The following PCED1B variants were observed in gnomAD, a reference collection of about 807,000 sequenced individuals.
PCED1B encodes the protein PC-esterase domain-containing protein 1B.
For synonymous variants in PCED1B, 251 were observed against 246.1 expected (o/e 1.02, Z -0.19); for missense variants, 573 against 573.9 (o/e 1.00, Z 0.02).
chr12:47,100,666 A>AT (rs2137215887), intron 1 of PCED1B, among the ~76,000 whole-genome samples: 1 of 152,366 alleles, frequency 6.6e-6, no homozygotes, highest in East Asian at 1.9e-4. Context: ...AAAAAGGAGA[A>AT]TAGAAAAGAA....
At chr12:47,122,376 A>G (rs1170542176) in intron 2 of PCED1B, among the ~76,000 whole-genome samples, 1 of 152,196 alleles carries the variant, frequency 6.6e-6, no homozygotes, top group Admixed American at 6.5e-5. Context: ...CAGAAAGCCA[A>G]CTGGATCCAT....
At chr12:47,201,285 GTTATC>G (rs1942755759) in intron 2 of PCED1B, among the ~76,000 whole-genome samples, 1 of 152,184 alleles carries the variant, frequency 6.6e-6, no homozygotes, top group South Asian at 2.1e-4. Flanking sequence ...GGCTTTGGGC[GTTATC>G]AATCAGACGA....
intron 2 of PCED1B, among the ~76,000 whole-genome samples, chr12:47,145,292 G>T (rs560971151): frequency 1.3e-5 from 2 of 152,166 alleles, no homozygotes; most frequent in Non-Finnish European, 2.9e-5. Context: ...AGAGAGATTG[G>T]TTCATGAGAT....
chr12:47,200,009 C>T (rs1942716782), intron 2 of PCED1B, among the ~76,000 whole-genome samples: 1 of 151,960 alleles, frequency 6.6e-6, no homozygotes, highest in South Asian at 2.1e-4. Context: ...GCCTGGGCAA[C>T]ATGGTGAAAC....
intron 2 of PCED1B, among the ~76,000 whole-genome samples, chr12:47,140,831 G>A (rs1180235594): frequency 6.6e-6 from 1 of 152,194 alleles, no homozygotes; most frequent in Non-Finnish European, 1.5e-5. Context: ...TGACTAATTT[G>A]TCCCCATGTG....
intron 2 of PCED1B, among the ~76,000 whole-genome samples, chr12:47,172,340 C>CTTTTTTTTTTTTTTTT (rs34230051): frequency 5.1e-5 from 4 of 78,346 alleles, no homozygotes; most frequent in Admixed American, 1.5e-4. Flanking sequence ...TCGTGGGTTG[C>CTTTTTTTTTTTTTTTT]TTTTTTTTTT....
intron 2 of PCED1B, among the ~76,000 whole-genome samples, chr12:47,183,755 G>A (rs1050209912): frequency 3.9e-5 from 6 of 152,138 alleles, no homozygotes; most frequent in Admixed American, 6.5e-5. Context: ...TGTGTGCCAC[G>A]TGAGGACAGG....
chr12:47,174,131 G>A (rs137979140), intron 2 of PCED1B, among the ~76,000 whole-genome samples: 51 of 152,004 alleles, frequency 3.4e-4, no homozygotes, highest in African/African-American at 1.1e-3. Flanking sequence ...AAATATGGCC[G>A]GCTGAGGTGG....
intron 2 of PCED1B, among the ~76,000 whole-genome samples, chr12:47,153,594 A>G (rs1941083733): frequency 6.6e-6 from 1 of 152,170 alleles, no homozygotes. Context: ...TCATCTGTAC[A>G]GAAAGAGGAA....
At chr12:47,214,165 C>G (rs1943177268) in intron 2 of PCED1B, among the ~76,000 whole-genome samples, 1 of 152,140 alleles carries the variant, frequency 6.6e-6, no homozygotes. Flanking sequence ...TGTACTAAAA[C>G]TCATGGGGAA....
intron 2 of PCED1B, among the ~76,000 whole-genome samples, chr12:47,120,639 T>G (rs1048684872): frequency 3.3e-5 from 5 of 151,936 alleles, no homozygotes; most frequent in African/African-American, 1.2e-4. Flanking sequence ...CCGTTTCTAC[T>G]AAAAATACAA....
chr12:47,172,340 CTT>C (rs34230051), intron 2 of PCED1B, among the ~76,000 whole-genome samples: 21 of 78,348 alleles, frequency 2.7e-4, no homozygotes, highest in South Asian at 1.1e-3. Flanking sequence ...TCGTGGGTTG[CTT>C]TTTTTTTTTT....
At chr12:47,160,563 T>C (rs1941345594) in intron 2 of PCED1B, among the ~76,000 whole-genome samples, 1 of 152,006 alleles carries the variant, frequency 6.6e-6, no homozygotes, top group Admixed American at 6.6e-5. Flanking sequence ...TGTTTCAACC[T>C]CCCAAAGTGC....
At chr12:47,112,755 T>C (rs1024357772) in intron 2 of PCED1B, among the ~76,000 whole-genome samples, 1 of 152,228 alleles carries the variant, frequency 6.6e-6, no homozygotes, top group Non-Finnish European at 1.5e-5. Flanking sequence ...CTTTCTCTTA[T>C]GCCTTTTGGA....
At chr12:47,226,502 T>G (rs1943636929) in intron 3 of PCED1B, among the ~76,000 whole-genome samples, 1 of 152,180 alleles carries the variant, frequency 6.6e-6, no homozygotes. Context: ...GCCTCCTGAG[T>G]AGCTCGGATT....
rs543569962 is a variant in PCED1B at position 47,196,047 on chromosome 12, A to T, written c.-525-20175A>T. On this transcript the variant is annotated intron_variant, in intron 2 of 3. Coordinates refer to ENST00000546455, the MANE Select transcript of PCED1B (RefSeq NM_138371.3). ...TCAAACTAGGTGATGCATTAATTTC[A>T]GTTCCAAAATAAATGAATTCTTTTA... Among the ~76,000 whole-genome samples the T allele has an allele frequency of 5.9e-5, 9 of 152,382 alleles. No individual in the cohort carries two copies. The East Asian group carries it at 1.2e-3, about 20-fold the overall frequency.
intron 2 of PCED1B, among the ~76,000 whole-genome samples, chr12:47,163,606 C>T (rs1175157958): frequency 6.6e-6 from 1 of 152,050 alleles, no homozygotes; most frequent in Non-Finnish European, 1.5e-5. Flanking sequence ...AGTTTGTTGA[C>T]TTGTTTTTTA....
At chr12:47,201,861 A>C (rs1200954516) in intron 2 of PCED1B, among the ~76,000 whole-genome samples, 2 of 152,136 alleles carry the variant, frequency 1.3e-5, no homozygotes, top group African/African-American at 4.8e-5. Flanking sequence ...CGGCCTCTCG[A>C]AGTGCTGGAA....
chr12:47,172,691 A>G (rs1410480596), intron 2 of PCED1B, among the ~76,000 whole-genome samples: 1 of 152,188 alleles, frequency 6.6e-6, no homozygotes, highest in Non-Finnish European at 1.5e-5. Context: ...TAAAATGGAG[A>G]TAGCTATGCC....
Sources: allele counts gnomAD v4.1 joint callset (sites outside exome capture counted in the v4.1 genomes callset), GRCh38; gene constraint gnomAD v4.1.1; transcripts MANE v1.5; gene names NCBI Gene and HGNC (gene_info 2026-07-23, HGNC 2026-07-21).